The following BBS9 variants were observed in gnomAD, a reference collection of about 807,000 sequenced individuals.
The protein encoded by BBS9 is Bardet-Biedl syndrome 9, also known as protein PTHB1.
In BBS9, 89 loss-of-function variants were observed where a neutral mutation model predicts 117.7. The ratio of observed to expected loss-of-function variants is 0.76; its 90% CI spans 0.64 to 0.90. BBS9 has a LOEUF of 0.90. BBS9 is among the 40% of genes least tolerant of loss of function. BBS9 has a pLI of 0.00. For synonymous variants in BBS9, 379 were observed against 370.9 expected, an observed-to-expected ratio of 1.02 and a Z score of -0.25; for missense variants, 982 against 1,042.2, an observed-to-expected ratio of 0.94 and a Z score of 0.80.
At chr7:33,173,860 G>T (rs183593365) in intron 4 of BBS9, among the ~76,000 whole-genome samples, 212 of 152,266 alleles carry the variant, frequency 1.4e-3, no homozygotes, top group Admixed American at 2.7e-3. Flanking sequence ...TTGGCTCTCA[G>T]ACCTCCTTGG....
rs760638472 is a variant in BBS9, at chr7:33,146,340, G to T, written c.88G>T (p.Val30Phe). ...FDQGCLCLAN[V>F]DNSGNGQDKI... ...TCAAGGCTGTTTGTGTCTGGCTAATGTTGACAATAGTGGAAATGGACAAGG... is the reference window on the plus strand; with the variant it reads ...TCAAGGCTGTTTGTGTCTGGCTAATTTTGACAATAGTGGAAATGGACAAGG... The change falls in exon 2 of 23, where the codon GTT becomes TTT. Residue 30 changes from valine to phenylalanine, a missense_variant. Coordinates refer to ENST00000242067, the MANE Select transcript of BBS9 (RefSeq NM_198428.3). The T allele has an allele frequency of 6.2e-7, 1 of 1,613,822 alleles. No homozygotes were observed. The highest frequency in any genetic ancestry group is 8.5e-7 in the Non-Finnish European group (1 of 1,179,760).
chr7:33,459,455 T>C (rs1290984058), intron 19 of BBS9, among the ~76,000 whole-genome samples: 1 of 149,842 alleles, frequency 6.7e-6, no homozygotes, highest in Non-Finnish European at 1.5e-5. Context: ...AGCAAACAAG[T>C]ATCCAGCCCA....
At chr7:33,285,891 C>T (rs2128385813) in intron 9 of BBS9, among the ~76,000 whole-genome samples, 1 of 151,996 alleles carries the variant, frequency 6.6e-6, no homozygotes, top group South Asian at 2.1e-4. Context: ...CTGCTTGGCT[C>T]ATGTTTTCAT....
intron 21 of BBS9, among the ~76,000 whole-genome samples, chr7:33,575,475 A>C (rs1385667510): frequency 2.6e-5 from 4 of 152,192 alleles, no homozygotes; most frequent in Non-Finnish European, 4.4e-5. Flanking sequence ...TTTCTACCAG[A>C]GGTACAGAAA....
At chr7:33,246,703 CTGTATGATGTTGTCTGTCTTGTCT>C (rs1306126950) in intron 5 of BBS9, among the ~76,000 whole-genome samples, 39 of 152,028 alleles carry the variant, frequency 2.6e-4, no homozygotes, top group African/African-American at 9.4e-4. Flanking sequence ...ACGGGTTCTT[CTGTATGATGTTGTCTGTCTTGTCT>C]TTCTTAGGGA....
At chr7:33,429,188 A>G (rs1180825500) in intron 19 of BBS9, among the ~76,000 whole-genome samples, 1 of 151,982 alleles carries the variant, frequency 6.6e-6, no homozygotes, top group Non-Finnish European at 1.5e-5. Flanking sequence ...TTCTTTTTCA[A>G]AAAAGGCCAC....
intron 17 of BBS9, among the ~76,000 whole-genome samples, chr7:33,382,459 C>CAAA (rs113930733): frequency 2.4e-5 from 3 of 122,624 alleles, no homozygotes; most frequent in African/African-American, 9.1e-5. Flanking sequence ...GACCCTGTCT[C>CAAA]AAAAAAAAAA....
chr7:33,615,751 C>T (rs758776549), intron 21 of BBS9, among the ~76,000 whole-genome samples: 9 of 151,960 alleles, frequency 5.9e-5, no homozygotes, highest in Non-Finnish European at 1.2e-4. Flanking sequence ...TACTAAAAAT[C>T]CACACATAGG....
intron 9 of BBS9, among the ~76,000 whole-genome samples, chr7:33,302,719 TCA>T (rs758068403): frequency 4.7e-4 from 71 of 152,256 alleles, no homozygotes; most frequent in Admixed American, 1.8e-3. Flanking sequence ...TGTGATTCTT[TCA>T]GTTTTGTTCT....
intron 21 of BBS9, among the ~76,000 whole-genome samples, chr7:33,573,182 G>T (rs1194543094): frequency 6.6e-6 from 1 of 151,408 alleles, no homozygotes; most frequent in Admixed American, 6.6e-5. Flanking sequence ...GGCCTATTTT[G>T]TACCTTCCCA....
intron 19 of BBS9, among the ~76,000 whole-genome samples, chr7:33,474,749 C>T (rs1177398294): frequency 6.6e-6 from 1 of 152,136 alleles, no homozygotes; most frequent in African/African-American, 2.4e-5. Context: ...AGTTGAAGAC[C>T]AGCCTGGTCA....
intron 21 of BBS9, among the ~76,000 whole-genome samples, chr7:33,549,768 A>G (rs1854060225): frequency 6.6e-6 from 1 of 152,196 alleles, no homozygotes; most frequent in South Asian, 2.1e-4. Flanking sequence ...CTACTGTCCT[A>G]TGAAATAGCA....
intron 7 of BBS9, among the ~76,000 whole-genome samples, chr7:33,271,186 T>A (rs1799726785): frequency 6.6e-6 from 1 of 152,208 alleles, no homozygotes; most frequent in Non-Finnish European, 1.5e-5. Context: ...CTACCAGACC[T>A]GCCTTACTAG....
chr7:33,560,683 C>T (rs994802180), intron 21 of BBS9, among the ~76,000 whole-genome samples: 2 of 152,148 alleles, frequency 1.3e-5, no homozygotes, highest in African/African-American at 2.4e-5. Flanking sequence ...ATCTAAAAGT[C>T]TCCATTCAAA....
chr7:33,266,696 G>A (rs1443241207), intron 7 of BBS9, among the ~76,000 whole-genome samples: 1 of 151,760 alleles, frequency 6.6e-6, no homozygotes, highest in Non-Finnish European at 1.5e-5. Flanking sequence ...TGTAATTGTG[G>A]ATTTTTTTGT....
chr7:33,504,570 C>G (rs1422716748), intron 19 of BBS9, among the ~76,000 whole-genome samples: 1 of 152,148 alleles, frequency 6.6e-6, no homozygotes, highest in African/African-American at 2.4e-5. Flanking sequence ...TAGAAAGGAG[C>G]TCATATGGCC....
chr7:33,409,194 A>C (rs550531002), intron 19 of BBS9, among the ~76,000 whole-genome samples: 3 of 151,978 alleles, frequency 2.0e-5, no homozygotes. Context: ...TTTTTGTTGC[A>C]ATTGTGTTTG....
intron 20 of BBS9, among the ~76,000 whole-genome samples, chr7:33,520,309 G>C (rs897640399): frequency 6.6e-6 from 1 of 152,134 alleles, no homozygotes; most frequent in Admixed American, 6.6e-5. Flanking sequence ...ACTGTGCCCG[G>C]CCCCAAAATA....
At chr7:33,533,791 G>A in intron 20 of BBS9, 163 bp from the exon 21 acceptor site, 1 of 769,086 alleles carries the variant, frequency 1.3e-6, no homozygotes, top group Non-Finnish European at 2.1e-6. Context: ...AGGTGACAGA[G>A]CCAGAATTCC....
Sources: gnomAD v4.1 joint callset for allele counts (sites outside exome capture counted in the v4.1 genomes callset) on GRCh38, gnomAD v4.1.1 for gene constraint, MANE v1.5 for transcripts, NCBI Gene and HGNC (gene_info 2026-07-23, HGNC 2026-07-21) for gene names.